PRSS8: variants seen among roughly 807,000 people sequenced by gnomAD.
PRSS8 encodes the protein serine protease 8.
PRSS8 carries 11 observed loss-of-function variants against 26.7 expected under a neutral mutation model. The observed-to-expected ratio is 0.41, with a 90% CI of 0.26 to 0.68. PRSS8 has a LOEUF of 0.68. Ranked by LOEUF, PRSS8 falls within the 30% of genes least tolerant of loss-of-function variation. PRSS8 has a pLI of 0.30. For missense variants in PRSS8, 362 were observed against 443.5 expected (o/e 0.82, Z 1.65); for synonymous variants, 183 against 187.0 (o/e 0.98, Z 0.17).
In PRSS8 at chr16:31,133,269, C is replaced by G. The variant is rs753173764; in HGVS notation, c.223G>C (p.Val75Leu). Residue 75 changes from valine (V) to leucine (L), a missense_variant, in exon 3 of 6, where the codon GTG (valine) becomes CTG (leucine). Physicochemically the swap from Val to Leu is conservative, Grantham distance 32 (BLOSUM62 1). Coordinates refer to ENST00000317508, the MANE Select transcript of PRSS8 (RefSeq NM_002773.5). The surrounding 1 kb of genome is among the most constrained non-coding windows in gnomAD (Gnocchi z 4.7). ...GCTGACAGCACCCACTGCTCAGACA[C>G]GAGAGAGCCACCACACACATGGACG... is the stretch of plus-strand genomic sequence containing the variant. ...EGVHVCGGSL[V>L]SEQWVLSAAH... The G allele has an allele frequency of 1.2e-5, 20 of 1,613,964 alleles. No individual in the cohort carries two copies. The highest frequency in any genetic ancestry group is 1.6e-5 in the Non-Finnish European group (19 of 1,179,896).
In PRSS8 at chr16:31,132,303, C is replaced by T. The variant is rs564032337; in HGVS notation, c.738G>A (p.Val246=). The T allele has an allele frequency of 5.6e-6, 9 of 1,613,916 alleles. No homozygotes were observed. The highest frequency in any genetic ancestry group is 1.1e-5 in the South Asian group (1 of 91,064). Residue 246 remains valine, a synonymous_variant, in exon 6 of 6, where the codon GTG becomes GTA. Coordinates refer to ENST00000317508, the MANE Select transcript of PRSS8 (RefSeq NM_002773.5). The surrounding 1 kb of genome is among the most constrained non-coding windows in gnomAD (Gnocchi z 5.2). The part of the protein sequence containing the change: ...GDSGGPLSCP[V]EGLWYLTGIV... ...TGCCCGTCAGGTACCAGAGACCCTCCACAGGGCAGGAGAGTGGGCCCCCAG... is the reference window on the plus strand; with the variant it reads ...TGCCCGTCAGGTACCAGAGACCCTCTACAGGGCAGGAGAGTGGGCCCCCAG...
Position 31,132,460 on chromosome 16 carries a change from C to T in PRSS8, c.674G>A (p.Gly225Asp). 1 of 1,614,034 alleles carries T rather than the reference C, an allele frequency of 6.2e-7. No individual in the cohort carries two copies. The highest frequency in any genetic ancestry group is 8.5e-7 in the Non-Finnish European group (1 of 1,179,880). ...HFVQEDMVCAGYVEGGKDACQ... is the reference protein window; with the variant it reads ...HFVQEDMVCADYVEGGKDACQ... ...GGCGTCCTTGCCCCCCTCCACATAG[C>T]CAGCACACACCATGTCCTCTTGGAC... The change falls in exon 5 of 6, where the codon GGC becomes GAC. Residue 225 changes from glycine (G) to aspartate (D), a missense_variant. Coordinates refer to ENST00000317508, the MANE Select transcript of PRSS8 (RefSeq NM_002773.5). The surrounding 1 kb of genome is among the most constrained non-coding windows in gnomAD (Gnocchi z 5.2).
chr16:31,135,221 C>T, intron 1 of PRSS8, 50 bp from the exon 2 acceptor site: 1 of 1,611,974 alleles, frequency 6.2e-7, no homozygotes, highest in Non-Finnish European at 8.5e-7. Flanking sequence ...CTCGGGTTCC[C>T]TGACCCCTTA....
chr16:31,135,107 C>A (rs1214802858), intron 2 of PRSS8, 47 bp downstream of exon 2: 15 of 1,603,772 alleles, frequency 9.4e-6, no homozygotes, highest in African/African-American at 1.3e-5. Flanking sequence ...GGAATCCGAT[C>A]CAAGTCACCT....
chr16:31,131,949 A>G lies in PRSS8; in HGVS notation c.*60T>C, dbSNP rs2057582200. The G allele has an allele frequency of 4.1e-6, 6 of 1,459,584 alleles. No individual in the cohort carries two copies. The highest frequency in any genetic ancestry group is 1.8e-6 in the Non-Finnish European group (2 of 1,097,792). 90.4% of individuals were successfully genotyped at this position (1,459,584 alleles called of 1,614,324 possible). On this transcript the variant is annotated 3_prime_UTR_variant, in exon 6 of 6. Coordinates refer to ENST00000317508, the MANE Select transcript of PRSS8 (RefSeq NM_002773.5). ...TCAGGCCCTGGGTCCAAAGGCCATC[A>G]GGGAAGGACCAGGCTCCTGTCCTTG...
rs778131149 is a variant in PRSS8, at chr16:31,131,965, C to A, written c.*44G>T. On this transcript the variant is annotated 3_prime_UTR_variant, in exon 6 of 6. Transcript: ENST00000317508. ...AAGGCCATCAGGGAAGGACCAGGCT[C>A]CTGTCCTTGAGTGTGATGCATCCAT... 2.3e-4 allele frequency: 341 copies of A among 1,487,024 alleles called. No homozygotes were observed. Among genetic ancestry groups the A allele is most frequent in the Non-Finnish European group, 3.0e-4 (330 of 1,112,712 alleles). 92.1% of individuals were successfully genotyped at this position (1,487,024 alleles called of 1,614,324 possible).
rs1466597481 is a variant in PRSS8, at chr16:31,133,868, G to A, written c.104-480C>T. On this transcript the variant is annotated intron_variant, in intron 2 of 5. Coordinates refer to ENST00000317508, the MANE Select transcript of PRSS8 (RefSeq NM_002773.5). The surrounding 1 kb of genome is among the most constrained non-coding windows in gnomAD (Gnocchi z 4.7). ...CTGTCTGGCAAACTTCCCTTTGCCT[G>A]TGGATGCTTGATTGGAACAGCAGCC... Among the ~76,000 whole-genome samples, 7 of 152,146 alleles carry A rather than the reference G, an allele frequency of 4.6e-5. No homozygotes were observed. Among genetic ancestry groups the A allele is most frequent in the Non-Finnish European group, 1.0e-4 (7 of 68,028 alleles).
Position 31,132,473 on chromosome 16 carries a change from T to C in PRSS8, c.661A>G (p.Met221Val), listed in dbSNP as rs771868451. ...CCCTCCACATAGCCAGCACACACCA[T>C]GTCCTCTTGGACAAAGTGCGGCTCC... The part of the protein sequence containing the change: ...PEEPHFVQED[M>V]VCAGYVEGGK... The change falls in exon 5 of 6, where the codon ATG becomes GTG. Residue 221 changes from methionine to valine, a missense_variant. Physicochemically the swap from Met to Val is conservative, Grantham distance 21. Coordinates refer to ENST00000317508, the MANE Select transcript of PRSS8 (RefSeq NM_002773.5). The surrounding 1 kb of genome is among the most constrained non-coding windows in gnomAD (Gnocchi z 5.2). 6.2e-7 allele frequency: 1 copy of C among 1,614,052 alleles called. No homozygotes were observed. Among genetic ancestry groups the C allele is most frequent in the Non-Finnish European group, 8.5e-7 (1 of 1,179,892 alleles).
In PRSS8 at chr16:31,133,353, C is replaced by T; in HGVS notation, c.139G>A (p.Gly47Ser). The T allele has an allele frequency of 6.2e-7, 1 of 1,613,992 alleles. No individual in the cohort carries two copies. The highest frequency in any genetic ancestry group is 8.5e-7 in the Non-Finnish European group (1 of 1,179,894). Residue 47 changes from glycine (G) to serine (S), a missense_variant, in exon 3 of 6, where the codon GGT (glycine) becomes AGT (serine). Gly to Ser is a moderately conservative substitution (Grantham distance 56). Coordinates refer to ENST00000317508, the MANE Select transcript of PRSS8 (RefSeq NM_002773.5). The surrounding 1 kb of genome is among the most constrained non-coding windows in gnomAD (Gnocchi z 4.7). The stretch of plus-strand genomic sequence containing the variant: ...TGACCGGCGACTGCACTGCTGCCAC[C>T]TGTGATGCGTGCTTGGGGGGCCACA... ...CGVAPQARIT[G>S]GSSAVAGQWP...
At position 31,132,164 on chromosome 16, in the gene PRSS8, C is replaced by G; in HGVS notation, c.877G>C (p.Val293Leu). ...GGCTGGGACTCCTGGGTTTGGGGCACCACACGAGGCTGGAGTTCTGTCACC... is the reference window on the plus strand; with the variant it reads ...GGCTGGGACTCCTGGGTTTGGGGCAGCACACGAGGCTGGAGTTCTGTCACC... ...SKVTELQPRV[V>L]PQTQESQPDS... Residue 293 changes from valine to leucine, a missense_variant, in exon 6 of 6, where the codon GTG becomes CTG. Coordinates refer to ENST00000317508, the MANE Select transcript of PRSS8 (RefSeq NM_002773.5). The surrounding 1 kb of genome is among the most constrained non-coding windows in gnomAD (Gnocchi z 5.2). The G allele has an allele frequency of 6.2e-7, 1 of 1,613,892 alleles. No individual in the cohort carries two copies. The highest frequency in any genetic ancestry group is 8.5e-7 in the Non-Finnish European group (1 of 1,179,850).
chr16:31,132,952 C>T lies in PRSS8; in HGVS notation c.268G>A (p.Glu90Lys), dbSNP rs779657113. 1.5e-5 allele frequency: 24 copies of T among 1,604,350 alleles called. No homozygotes were observed. The highest frequency in any genetic ancestry group is 2.0e-5 in the Non-Finnish European group (23 of 1,174,244). Residue 90 changes from glutamate (E) to lysine (K), a missense_variant and splice_region_variant, in exon 4 of 6, where the codon GAG (glutamate) becomes AAG (lysine). Physicochemically the swap from Glu to Lys is moderately conservative, Grantham distance 56. Transcript: ENST00000317508. This position sits in a 1 kb window ranked among gnomAD's most constrained non-coding sequence, Gnocchi z 5.2. Reference sequence around the variant, plus strand: ...ACCTCATAGGCTTCCTTGTGGTGCTCGCTGCAGGCAGGGGGCAAAGGCTGA... The same window carrying T: ...ACCTCATAGGCTTCCTTGTGGTGCTTGCTGCAGGCAGGGGGCAAAGGCTGA... Reference protein sequence around the residue: ...VLSAAHCFPSEHHKEAYEVKL... With the variant: ...VLSAAHCFPSKHHKEAYEVKL...
Position 31,132,166 on chromosome 16 carries a change from A to G in PRSS8, c.875T>C (p.Val292Ala), listed in dbSNP as rs2057583783. The G allele has an allele frequency of 6.2e-7, 1 of 1,613,924 alleles. No homozygotes were observed. Among genetic ancestry groups the G allele is most frequent in the African/African-American group, 1.3e-5 (1 of 75,046 alleles). ...QSKVTELQPRVVPQTQESQPD... is the reference protein window; with the variant it reads ...QSKVTELQPRAVPQTQESQPD... ...CTGGGACTCCTGGGTTTGGGGCACCACACGAGGCTGGAGTTCTGTCACCTT... is the reference window on the plus strand; with the variant it reads ...CTGGGACTCCTGGGTTTGGGGCACCGCACGAGGCTGGAGTTCTGTCACCTT... Residue 292 changes from valine (V) to alanine (A), a missense_variant, in exon 6 of 6, where the codon GTG becomes GCG. By Grantham distance (64) the Val-to-Ala change is moderately conservative (BLOSUM62 0). Transcript: ENST00000317508. The surrounding 1 kb of genome is among the most constrained non-coding windows in gnomAD (Gnocchi z 5.2).
Position 31,135,402 on chromosome 16 carries a change from G to A in PRSS8, c.85+12C>T, listed in dbSNP as rs761170295. The A allele has an allele frequency of 2.7e-5, 43 of 1,588,688 alleles. No homozygotes were observed. In the Middle Eastern group the frequency reaches 5.0e-4, roughly 18 times the overall value. ...TGCATTGTCCCCACCCTGCCCCCAC[G>A]TCCTCACTTACCTGTCCCCGACCGG... On this transcript the variant is annotated intron_variant, in intron 1 of 5. Transcript: ENST00000317508.
Position 31,135,396 on chromosome 16 carries a change from C to T in PRSS8, c.85+18G>A, listed in dbSNP as rs775947404. 5 of 1,586,266 alleles carry T rather than the reference C, an allele frequency of 3.2e-6. No homozygotes were observed. Among genetic ancestry groups the T allele is most frequent in the Non-Finnish European group, 4.3e-6 (5 of 1,166,716 alleles). ...CTCCAGTGCATTGTCCCCACCCTGC[C>T]CCCACGTCCTCACTTACCTGTCCCC... On this transcript the variant is annotated intron_variant, in intron 1 of 5. Transcript: ENST00000317508.
chr16:31,135,196 G>A (rs893448799), intron 1 of PRSS8, 25 bp from the exon 2 acceptor site: 6 of 1,612,676 alleles, frequency 3.7e-6, no homozygotes, highest in Non-Finnish European at 5.1e-6. Context: ...AAAGAGGAGG[G>A]GTGAGTAGGG....
chr16:31,135,035 C>T, intron 2 of PRSS8, 119 bp downstream of exon 2: 2 of 1,287,858 alleles, frequency 1.6e-6, no homozygotes, highest in Non-Finnish European at 2.2e-6. Context: ...ACTCTGGGAG[C>T]CCTAAGAGAA....
chr16:31,132,745 T>C lies in PRSS8; in HGVS notation c.475A>G (p.Asn159Asp), dbSNP rs2057587311. 2 of 1,613,776 alleles carry C rather than the reference T, an allele frequency of 1.2e-6. No individual in the cohort carries two copies. The highest frequency in any genetic ancestry group is 2.2e-5 in the South Asian group (2 of 91,070). ...TGGAGGCCGTTGGGGAAGGAGGCGT[T>C]GGCTGCAGGGAGGCAGATGGGCCGG... ...YIRPICLPAANASFPNGLHCT... is the reference protein window; with the variant it reads ...YIRPICLPAADASFPNGLHCT... Residue 159 changes from asparagine to aspartate, a missense_variant, in exon 4 of 6, where the codon AAC (asparagine) becomes GAC (aspartate). Asn to Asp is a conservative substitution (Grantham distance 23). Transcript: ENST00000317508. This position sits in a 1 kb window ranked among gnomAD's most constrained non-coding sequence, Gnocchi z 5.2.
Position 31,133,044 on chromosome 16 carries a change from T to C in PRSS8, c.267-91A>G. 1 of 1,584,938 alleles carries C rather than the reference T, an allele frequency of 6.3e-7. No homozygotes were observed. The highest frequency in any genetic ancestry group is 8.6e-7 in the Non-Finnish European group (1 of 1,166,438). Reference sequence around the variant, plus strand: ...ACCCCTGATTCCGATCAGCCCCTTTTAGGTCTCAAATTGCACCTTAGTTTT... The same window carrying C: ...ACCCCTGATTCCGATCAGCCCCTTTCAGGTCTCAAATTGCACCTTAGTTTT... On this transcript the variant is annotated intron_variant, in intron 3 of 5. Coordinates refer to ENST00000317508, the MANE Select transcript of PRSS8 (RefSeq NM_002773.5). The surrounding 1 kb of genome is among the most constrained non-coding windows in gnomAD (Gnocchi z 4.7).
In PRSS8 at chr16:31,132,897, T is replaced by A. The variant is rs547085095; in HGVS notation, c.323A>T (p.Tyr108Phe). ...VKLGAHQLDS[Y>F]SEDAKVSTLK... ...GGTGCTGACCTTGGCGTCCTCGGAG[T>A]AGGAGTCTAGCTGGTGGGCCCCCAG... Residue 108 changes from tyrosine (Y) to phenylalanine (F), a missense_variant, in exon 4 of 6, where the codon TAC (tyrosine) becomes TTC (phenylalanine). Coordinates refer to ENST00000317508, the MANE Select transcript of PRSS8 (RefSeq NM_002773.5). The surrounding 1 kb of genome is among the most constrained non-coding windows in gnomAD (Gnocchi z 5.2). The A allele has an allele frequency of 6.2e-7, 1 of 1,613,362 alleles. No homozygotes were observed. Among genetic ancestry groups the A allele is most frequent in the East Asian group, 2.2e-5 (1 of 44,844 alleles).
Sources: gnomAD v4.1 joint callset for allele counts (sites outside exome capture counted in the v4.1 genomes callset) on GRCh38, gnomAD v4.1.1 for gene constraint, Gnocchi (gnomAD v3.1) non-coding constraint, MANE v1.5 for transcripts, NCBI Gene and HGNC (gene_info 2026-07-23, HGNC 2026-07-21) for gene names.